TMEM244: variants seen among roughly 807,000 people sequenced by gnomAD.
The protein encoded by TMEM244 is transmembrane protein 244.
A neutral mutation model predicts 15.8 loss-of-function variants in TMEM244; 13 were observed. The observed-to-expected ratio is 0.82, with a 90% CI of 0.53 to 1.30. The LOEUF is 1.30. Among genes scored for constraint, TMEM244 ranks in the 50% most tolerant of loss-of-function variants. The pLI is 0.00. For missense variants in TMEM244, 161 were observed against 144.9 expected (o/e 1.11, Z -0.57); for synonymous variants, 45 against 48.7 (o/e 0.92, Z 0.32).
At chr6:129,858,221 T>C (rs555676992) in intron 1 of TMEM244, among the ~76,000 whole-genome samples, 7 of 152,306 alleles carry the variant, frequency 4.6e-5, no homozygotes, top group Non-Finnish European at 1.0e-4. Flanking sequence ...GACAACATAT[T>C]TCTTGTTTCA....
chr6:129,854,912 C>T (rs2114646105), intron 1 of TMEM244, among the ~76,000 whole-genome samples: 1 of 152,262 alleles, frequency 6.6e-6, no homozygotes, highest in Admixed American at 6.5e-5. Context: ...TCATAATGGT[C>T]CATACTCTTC....
intron 1 of TMEM244, among the ~76,000 whole-genome samples, chr6:129,858,311 C>T (rs1420549168): frequency 1.3e-5 from 2 of 152,134 alleles, no homozygotes; most frequent in East Asian, 3.8e-4. Flanking sequence ...TCTTTGAAGA[C>T]TTAGGAGAAT....
chr6:129,838,362 A>C (rs922027113), intron 3 of TMEM244, among the ~76,000 whole-genome samples: 1 of 152,248 alleles, frequency 6.6e-6, no homozygotes, highest in African/African-American at 2.4e-5. Flanking sequence ...ATGAAGGCAG[A>C]AATAAAGATG....
intron 1 of TMEM244, 108 bp from the exon 2 acceptor site, chr6:129,845,960 C>T (rs1334575458): frequency 1.4e-6 from 1 of 720,186 alleles, no homozygotes; most frequent in Non-Finnish European, 2.3e-6. Context: ...TGTTGGCTAG[C>T]CTTGTATTGC....
chr6:129,861,061 G>A, intron 1 of TMEM244, 95 bp downstream of exon 1: 1 of 1,336,874 alleles, frequency 7.5e-7, no homozygotes, highest in Non-Finnish European at 1.1e-6. Context: ...GAAACAAGTT[G>A]CCCACTGACA....
intron 1 of TMEM244, among the ~76,000 whole-genome samples, chr6:129,853,875 C>T (rs1776668703): frequency 6.6e-6 from 1 of 152,094 alleles, no homozygotes; most frequent in Non-Finnish European, 1.5e-5. Flanking sequence ...AGCAGTGTAA[C>T]TCACTTAACT....
intron 1 of TMEM244, among the ~76,000 whole-genome samples, chr6:129,847,491 T>A (rs1376733111): frequency 1.3e-5 from 2 of 152,154 alleles, no homozygotes; most frequent in Non-Finnish European, 2.9e-5. Flanking sequence ...ACGAATTGGC[T>A]GAATGGACCA....
chr6:129,843,954 T>A (rs1362762685), intron 2 of TMEM244, among the ~76,000 whole-genome samples: 1 of 152,184 alleles, frequency 6.6e-6, no homozygotes, highest in Non-Finnish European at 1.5e-5. Context: ...AAACCAGTAG[T>A]TCTTCAGATG....
chr6:129,833,689 T>A, intron 3 of TMEM244, 104 bp from the exon 4 acceptor site: 1 of 1,221,024 alleles, frequency 8.2e-7, no homozygotes, highest in African/African-American at 1.6e-5. Flanking sequence ...GAATAAATTT[T>A]GGTAAGAATT....
chr6:129,849,879 G>T (rs532575259), intron 1 of TMEM244, among the ~76,000 whole-genome samples: 1 of 152,290 alleles, frequency 6.6e-6, no homozygotes, highest in East Asian at 1.9e-4. Flanking sequence ...ATGTGTGTGT[G>T]TATGTGTGCC....
intron 3 of TMEM244, among the ~76,000 whole-genome samples, chr6:129,842,194 A>G (rs1271903536): frequency 7.2e-5 from 11 of 152,200 alleles, no homozygotes. Context: ...CCCAAAGACT[A>G]GAATTAAATA....
chr6:129,839,577 A>G (rs1395389352), intron 3 of TMEM244, among the ~76,000 whole-genome samples: 1 of 152,234 alleles, frequency 6.6e-6, no homozygotes, highest in Non-Finnish European at 1.5e-5. Context: ...AGTTCTGGCC[A>G]GGGCAATCAG....
At chr6:129,833,736 G>A in intron 3 of TMEM244, 151 bp from the exon 4 acceptor site, 16 of 730,298 alleles carry the variant, frequency 2.2e-5, no homozygotes, top group South Asian at 4.4e-5. Flanking sequence ...CCTCAAATTT[G>A]GATAAAACAA....
intron 1 of TMEM244, among the ~76,000 whole-genome samples, chr6:129,855,867 G>C (rs948602946): frequency 2.6e-5 from 4 of 151,864 alleles, no homozygotes; most frequent in African/African-American, 7.3e-5. Context: ...AGTAATCTGT[G>C]GGGTGACACT....
chr6:129,833,740 A>T (rs1310990438), intron 3 of TMEM244, among the ~76,000 whole-genome samples, 155 bp from the exon 4 acceptor site: 1 of 152,236 alleles, frequency 6.6e-6, no homozygotes, highest in Non-Finnish European at 1.5e-5. Flanking sequence ...AAATTTGGAT[A>T]AAACAATTAA....
intron 1 of TMEM244, among the ~76,000 whole-genome samples, chr6:129,850,905 C>T (rs956886127): frequency 2.6e-5 from 4 of 152,170 alleles, no homozygotes; most frequent in African/African-American, 9.7e-5. Context: ...CAGTTCTCAC[C>T]TCTGCCCGTC....
chr6:129,858,812 G>A (rs962404524), intron 1 of TMEM244, among the ~76,000 whole-genome samples: 1 of 135,164 alleles, frequency 7.4e-6, no homozygotes, highest in African/African-American at 2.8e-5. Flanking sequence ...TTTTTTTTTT[G>A]AAACAGAGTC....
chr6:129,832,403 A>G (rs1327237346), intron 4 of TMEM244, among the ~76,000 whole-genome samples: 1 of 152,148 alleles, frequency 6.6e-6, no homozygotes, highest in African/African-American at 2.4e-5. Context: ...TGGCGGAGAC[A>G]GATTATACTA....
At chr6:129,858,912 G>A (rs950139157) in intron 1 of TMEM244, among the ~76,000 whole-genome samples, 1 of 151,888 alleles carries the variant, frequency 6.6e-6, no homozygotes, top group Non-Finnish European at 1.5e-5. Context: ...TCTTGCCTCA[G>A]CCTCCCTGAG....
Sources: gnomAD v4.1 joint callset for allele counts (sites outside exome capture counted in the v4.1 genomes callset) on GRCh38, gnomAD v4.1.1 for gene constraint, MANE v1.5 for transcripts, NCBI Gene and HGNC (gene_info 2026-07-23, HGNC 2026-07-21) for gene names.